The following CHST15 variants were observed in gnomAD, a reference collection of about 807,000 sequenced individuals.
The protein encoded by CHST15 is carbohydrate sulfotransferase 15.
CHST15 carries 30 observed loss-of-function variants against 53.6 expected under a neutral mutation model. The ratio of observed to expected loss-of-function variants is 0.56; its 90% confidence interval spans 0.42 to 0.76. The LOEUF (loss-of-function observed/expected upper bound fraction) is 0.76. Among genes scored for constraint, CHST15 ranks in the 30% least tolerant of loss-of-function variants. CHST15 has a pLI of 0.00. For missense variants in CHST15, 627 were observed against 740.5 expected, an observed-to-expected ratio of 0.85 and a Z score of 1.78; for synonymous variants, 296 against 289.8, an observed-to-expected ratio of 1.02 and a Z score of -0.22.
At chr10:124,088,354 G>A (rs879914544) in intron 1 of CHST15, among the ~76,000 whole-genome samples, 4 of 152,230 alleles carry the variant, frequency 2.6e-5, no homozygotes, top group Admixed American at 2.6e-4. Context: ...TCTGTGCTGA[G>A]CGCTGGCTCT....
intron 5 of CHST15, among the ~76,000 whole-genome samples, chr10:124,034,456 G>C (rs959434890): frequency 5.9e-5 from 9 of 151,986 alleles, no homozygotes; most frequent in Admixed American, 5.9e-4. Context: ...CACCTTTGTG[G>C]TGTTGGTATC....
intron 1 of CHST15, among the ~76,000 whole-genome samples, chr10:124,063,020 A>G (rs1276800972): frequency 1.3e-5 from 2 of 152,272 alleles, no homozygotes; most frequent in Non-Finnish European, 2.9e-5. Context: ...TGTGGCCATG[A>G]AAACGCTGGT....
At chr10:124,083,710 T>C (rs544837271) in intron 1 of CHST15, among the ~76,000 whole-genome samples, 106 of 152,352 alleles carry the variant, frequency 7.0e-4, no homozygotes, top group African/African-American at 2.5e-3. Context: ...CCCTCATTTA[T>C]TCCCACTAAT....
Position 124,044,833 on chromosome 10 carries a change from G to T in CHST15, c.633C>A (p.Asp211Glu). The stretch of plus-strand genomic sequence containing the variant: ...GCACGTAGGAGTTGGTGAGGTAGGG[G>T]TCGGTGGTGTTCTGCCCCGAGAACT... ...YEEFSGQNTT[D>E]PYLTNSYVLY... Residue 211 changes from aspartate (D) to glutamate (E), a missense_variant, in exon 3 of 8, where the codon GAC becomes GAA. Asp to Glu is a conservative substitution (Grantham distance 45). Around this residue, in one of 3 missense-constraint regions of CHST15, gnomAD observed 161 missense variants for 117.2 expected, o/e 1.37. Transcript: ENST00000435907. The T allele has an allele frequency of 1.3e-6, 2 of 1,560,802 alleles. No homozygotes were observed. Among genetic ancestry groups the T allele is most frequent in the Non-Finnish European group, 1.7e-6 (2 of 1,150,644 alleles).
intron 4 of CHST15, 46 bp downstream of exon 4, chr10:124,042,255 C>G (rs760638993): frequency 1.9e-6 from 3 of 1,574,298 alleles, no homozygotes; most frequent in Admixed American, 1.7e-5. Context: ...AGAGCCAGGA[C>G]CCCAGGGAGG....
intron 6 of CHST15, among the ~76,000 whole-genome samples, chr10:124,015,959 C>T (rs986961657): frequency 2.0e-5 from 3 of 152,200 alleles, no homozygotes; most frequent in Admixed American, 2.0e-4. Flanking sequence ...CCCACAAACA[C>T]CCACCTGGAG....
chr10:124,034,015 T>C (rs1947326629), intron 5 of CHST15, among the ~76,000 whole-genome samples: 1 of 152,218 alleles, frequency 6.6e-6, no homozygotes. Context: ...TGCCCTGGCA[T>C]CCTGCCCTTC....
At chr10:124,011,902 G>A (rs909061332) in intron 7 of CHST15, 14 of 970,108 alleles carry the variant, frequency 1.4e-5, no homozygotes, top group African/African-American at 1.8e-5. Flanking sequence ...GTGACATCCT[G>A]TTGGTCCTAC....
intron 1 of CHST15, among the ~76,000 whole-genome samples, chr10:124,081,439 T>G (rs1419142125): frequency 6.6e-6 from 1 of 152,180 alleles, no homozygotes; most frequent in Non-Finnish European, 1.5e-5. Flanking sequence ...GGAGACTTGA[T>G]GTAACAGCTG....
At chr10:124,051,036 T>G (rs2134040065) in intron 1 of CHST15, among the ~76,000 whole-genome samples, 1 of 152,258 alleles carries the variant, frequency 6.6e-6, no homozygotes, top group South Asian at 2.1e-4. Flanking sequence ...CTCCGCCTCC[T>G]GGGTTCAAGC....
rs1028891198 is a variant in CHST15, at chr10:124,036,140, T to C, written c.1190+2375A>G. Reference sequence around the variant, plus strand: ...TTGCGCCCTTCAGCTGGGGGCCGTGTCGGGGAGGGAGGCAGAGCAGCTATG... The same window carrying C: ...TTGCGCCCTTCAGCTGGGGGCCGTGCCGGGGAGGGAGGCAGAGCAGCTATG... On this transcript the variant is annotated intron_variant, in intron 5 of 7. Transcript: ENST00000435907. The surrounding 1 kb of genome is among the most constrained non-coding windows in gnomAD (Gnocchi z 5.1). Among the ~76,000 whole-genome samples, 1 of 152,098 alleles carries C rather than the reference T, an allele frequency of 6.6e-6. No homozygotes were observed. Among genetic ancestry groups the C allele is most frequent in the African/African-American group, 2.4e-5 (1 of 41,416 alleles).
At chr10:124,022,169 C>T (rs992028517) in intron 5 of CHST15, among the ~76,000 whole-genome samples, 3 of 152,198 alleles carry the variant, frequency 2.0e-5, no homozygotes, top group African/African-American at 7.2e-5. Flanking sequence ...TCTGCACCAC[C>T]CTATTTTAGC....
chr10:124,007,710 T>C lies in CHST15; in HGVS notation c.*2439A>G. 2 of 1,225,876 alleles carry C rather than the reference T, an allele frequency of 1.6e-6. No individual in the cohort carries two copies. The highest frequency in any genetic ancestry group is 2.0e-6 in the Non-Finnish European group (2 of 984,972). 75.9% of individuals were successfully genotyped at this position (1,225,876 alleles called of 1,614,324 possible). On this transcript the variant is annotated 3_prime_UTR_variant, in exon 8 of 8. Transcript: ENST00000435907. The stretch of plus-strand genomic sequence containing the variant: ...GCACGCGCTCCACAGGCGTCACTCT[T>C]ATGGGTCCATCTTTAATTATGTTAA...
rs1378964133 is a variant in CHST15 at position 124,012,333 on chromosome 10, C to T, written c.1495G>A (p.Gly499Arg). 1 of 1,613,360 alleles carries T rather than the reference C, an allele frequency of 6.2e-7. No homozygotes were observed. Among genetic ancestry groups the T allele is most frequent in the Non-Finnish European group, 8.5e-7 (1 of 1,179,580 alleles). The change falls in exon 7 of 8, where the codon GGG (glycine) becomes AGG (arginine). Residue 499 changes from glycine (G) to arginine (R), a missense_variant and splice_region_variant. Physicochemically the swap from Gly to Arg is moderately radical, Grantham distance 125. Transcript: ENST00000435907. ...GTCAGTCTAAGCACCACACTCATAC[C>T]TAGGTTCAGAAACTGGAAGACCTTG... ...MHKVFQFLNL[G>R]PLSEKQEALM...
chr10:124,011,530 A>G, intron 7 of CHST15: 1 of 985,486 alleles, frequency 1.0e-6, no homozygotes. Context: ...ACCATTAGTC[A>G]GGGCTGCAGG....
chr10:124,047,495 T>C (rs1362918003), intron 1 of CHST15, among the ~76,000 whole-genome samples: 1 of 152,220 alleles, frequency 6.6e-6, no homozygotes, highest in African/African-American at 2.4e-5. Flanking sequence ...GGTTATAAAA[T>C]ATATTGTTGC....
At chr10:124,085,793 G>A (rs1036504443) in intron 1 of CHST15, among the ~76,000 whole-genome samples, 5 of 152,314 alleles carry the variant, frequency 3.3e-5, no homozygotes, top group Admixed American at 1.3e-4. Flanking sequence ...GGCTGGGGAA[G>A]GGAGGTACGG....
intron 1 of CHST15, among the ~76,000 whole-genome samples, chr10:124,091,538 G>A (rs893833443): frequency 2.6e-5 from 4 of 152,198 alleles, no homozygotes; most frequent in Non-Finnish European, 4.4e-5. Flanking sequence ...CTCAGGAATT[G>A]CAGCTGATAA....
At chr10:124,051,803 T>C (rs575648278) in intron 1 of CHST15, among the ~76,000 whole-genome samples, 2 of 152,196 alleles carry the variant, frequency 1.3e-5, no homozygotes, top group South Asian at 4.1e-4. Flanking sequence ...TATAACAAAA[T>C]TGTAATTGAG....
Sources: gnomAD v4.1 joint callset for allele counts (sites outside exome capture counted in the v4.1 genomes callset) on GRCh38, gnomAD v4.1.1 for gene constraint, gnomAD v4.1.1 regional missense constraint, Gnocchi (gnomAD v3.1) non-coding constraint, MANE v1.5 for transcripts, NCBI Gene and HGNC (gene_info 2026-07-23, HGNC 2026-07-21) for gene names.